ATL2: variants seen among roughly 807,000 people sequenced by gnomAD.
The protein encoded by ATL2 is atlastin-2.
A neutral mutation model predicts 73.9 loss-of-function variants in ATL2; 31 were observed. That is an observed-to-expected ratio of 0.42 (90% CI 0.32 to 0.57). The LOEUF is 0.57. Ranked by LOEUF, ATL2 falls within the 20% of genes least tolerant of loss-of-function variation. The probability of loss-of-function intolerance (pLI) is 0.14; values close to 1 mark genes in which losing one functional copy is unlikely to be tolerated. For synonymous variants in ATL2, 291 were observed against 237.5 expected, an observed-to-expected ratio of 1.23 and a Z score of -2.07; for missense variants, 738 against 702.6, an observed-to-expected ratio of 1.05 and a Z score of -0.57.
chr2:38,358,167 A>G (rs1670788483), intron 1 of ATL2, among the ~76,000 whole-genome samples: 2 of 152,188 alleles, frequency 1.3e-5, no homozygotes, highest in Admixed American at 6.5e-5. Context: ...AGTGTTTAGG[A>G]TGTAAGTGTC....
At chr2:38,300,649 CT>C (rs915637947) in intron 9 of ATL2, among the ~76,000 whole-genome samples, 2 of 151,836 alleles carry the variant, frequency 1.3e-5, no homozygotes, top group Non-Finnish European at 2.9e-5. Context: ...TTTTAAAAAA[CT>C]TTTTTTTCTC....
At chr2:38,300,894 A>AC (rs1332465934) in intron 9 of ATL2, among the ~76,000 whole-genome samples, 2 of 151,990 alleles carry the variant, frequency 1.3e-5, no homozygotes, top group African/African-American at 4.8e-5. Context: ...AAAAAAAAAA[A>AC]AACTAATTTG....
In ATL2 at chr2:38,318,988, T is replaced by A; in HGVS notation, c.395A>T (p.Glu132Val). 1 of 1,614,006 alleles carries A rather than the reference T, an allele frequency of 6.2e-7. No homozygotes were observed. Residue 132 changes from glutamate to valine, a missense_variant, in exon 3 of 13, where the codon GAA becomes GTA. By Grantham distance (121) the Glu-to-Val change is moderately radical. Coordinates refer to ENST00000378954, the MANE Select transcript of ATL2 (RefSeq NM_001135673.4). ...TCGCCATGTAAAGCCTGTCAATGGT[T>A]CATTGTTTCCACCAATCCAACTTTG... ...DSQSWIGGNN[E>V]PLTGFTWRGG... is the part of the protein sequence containing the mutation.
intron 1 of ATL2, among the ~76,000 whole-genome samples, chr2:38,346,064 C>T (rs753707835): frequency 1.3e-5 from 2 of 152,198 alleles, no homozygotes; most frequent in Non-Finnish European, 2.9e-5. Flanking sequence ...AGTGTAGCTG[C>T]GTACTGACAC....
chr2:38,348,942 T>C (rs1670181205), intron 1 of ATL2, among the ~76,000 whole-genome samples: 1 of 152,082 alleles, frequency 6.6e-6, no homozygotes, highest in Admixed American at 6.5e-5. Context: ...TCACTGGCCA[T>C]CAGAGAAACG....
intron 2 of ATL2, among the ~76,000 whole-genome samples, chr2:38,331,069 G>A (rs947849580): frequency 1.3e-5 from 2 of 152,152 alleles, no homozygotes; most frequent in Non-Finnish European, 2.9e-5. Flanking sequence ...TTGGGAGGCA[G>A]GCAGATTGCC....
intron 2 of ATL2, among the ~76,000 whole-genome samples, chr2:38,321,754 C>T (rs1404743647): frequency 2.6e-5 from 4 of 151,804 alleles, no homozygotes; most frequent in African/African-American, 9.7e-5. Context: ...ACTCTGTCAC[C>T]CAGGCTGGAG....
At chr2:38,300,469 CAA>C in intron 9 of ATL2, 141 bp from the exon 10 acceptor site, 1 of 569,852 alleles carries the variant, frequency 1.8e-6, no homozygotes, top group Non-Finnish European at 3.1e-6. Context: ...CTTATTCCAA[CAA>C]AGTTAACCCT....
At chr2:38,355,689 A>C (rs1289596716) in intron 1 of ATL2, among the ~76,000 whole-genome samples, 1 of 149,044 alleles carries the variant, frequency 6.7e-6, no homozygotes, top group Non-Finnish European at 1.5e-5. Flanking sequence ...ATGCATAGTC[A>C]CATTTGTTTG....
chr2:38,344,544 AG>A (rs1669911210), intron 1 of ATL2, among the ~76,000 whole-genome samples: 1 of 152,210 alleles, frequency 6.6e-6, no homozygotes, highest in Non-Finnish European at 1.5e-5. Context: ...TGGGAGGCAG[AG>A]GTTGCAGTGA....
At chr2:38,300,080 G>T (rs896422018) in intron 10 of ATL2, among the ~76,000 whole-genome samples, 192 bp downstream of exon 10, 1 of 152,014 alleles carries the variant, frequency 6.6e-6, no homozygotes, top group Non-Finnish European at 1.5e-5. Flanking sequence ...CACATGGAAG[G>T]CCTACAATCT....
intron 9 of ATL2, among the ~76,000 whole-genome samples, chr2:38,304,963 T>C (rs1209017099): frequency 2.0e-5 from 3 of 151,942 alleles, no homozygotes; most frequent in Non-Finnish European, 4.4e-5. Flanking sequence ...AACTCTCCAA[T>C]TAAAAGGCAC....
At chr2:38,377,629 T>G (rs1270262788), upstream of ATL2, among the ~76,000 whole-genome samples, 1 of 151,818 alleles carries the variant, frequency 6.6e-6, no homozygotes, top group African/African-American at 2.4e-5. Flanking sequence ...AGAAGGGAGC[T>G]CCAGAGAACT....
upstream of ATL2, among the ~76,000 whole-genome samples, chr2:38,377,876 G>C (rs1241071281): frequency 6.7e-6 from 1 of 150,298 alleles, no homozygotes; most frequent in Admixed American, 6.7e-5. Context: ...ACCATCCTAA[G>C]GTTTGTTTGC....
At chr2:38,371,360 T>G (rs1162898533) in intron 1 of ATL2, among the ~76,000 whole-genome samples, 1 of 151,914 alleles carries the variant, frequency 6.6e-6, no homozygotes, top group African/African-American at 2.4e-5. Flanking sequence ...TTTTAAAAAC[T>G]AGCCAGGTGT....
chr2:38,324,801 T>G (rs779023004), intron 2 of ATL2, among the ~76,000 whole-genome samples: 6 of 152,250 alleles, frequency 3.9e-5, no homozygotes, highest in Non-Finnish European at 8.8e-5. Flanking sequence ...AGGACAAATA[T>G]TCTATGATTC....
At position 38,377,182 on chromosome 2, in the gene ATL2, T is replaced by C. The variant is rs773123953; in HGVS notation, c.79A>G (p.Ser27Gly). 5.0e-6 allele frequency: 8 copies of C among 1,610,744 alleles called. No homozygotes were observed. The highest frequency in any genetic ancestry group is 6.8e-6 in the Non-Finnish European group (8 of 1,179,386). ...GACGAGACGTGGTTAACCGCGGCGCTTGGGTCGCTGGTCCGTCGCCGGCGC... is the reference window on the plus strand; with the variant it reads ...GACGAGACGTGGTTAACCGCGGCGCCTGGGTCGCTGGTCCGTCGCCGGCGC... Reference protein sequence around the residue: ...LWRRRRTSDPSAAVNHVSSTT... With the variant: ...LWRRRRTSDPGAAVNHVSSTT... The change falls in exon 1 of 13, where the codon AGC becomes GGC. Residue 27 changes from serine (S) to glycine (G), a missense_variant. Physicochemically the swap from Ser to Gly is moderately conservative, Grantham distance 56 (BLOSUM62 0). Coordinates refer to ENST00000378954, the MANE Select transcript of ATL2 (RefSeq NM_001135673.4).
At chr2:38,354,194 C>CAAAAAAAAAAAAAAA (rs1208475028) in intron 1 of ATL2, 1 of 414,198 alleles carries the variant, frequency 2.4e-6, no homozygotes, top group African/African-American at 3.4e-5. Context: ...CAAAAAAAAG[C>CAAAAAAAAAAAAAAA]AAAGAGTATC....
chr2:38,376,418 G>A, intron 1 of ATL2: 1 of 382,828 alleles, frequency 2.6e-6, no homozygotes, highest in Non-Finnish European at 4.5e-6. Flanking sequence ...GAGTGATCAG[G>A]CCTTACTATC....
Sources: gnomAD v4.1 joint callset for allele counts (sites outside exome capture counted in the v4.1 genomes callset) on GRCh38, gnomAD v4.1.1 for gene constraint, MANE v1.5 for transcripts, NCBI Gene and HGNC (gene_info 2026-07-23, HGNC 2026-07-21) for gene names.